ZBTB16: variants seen among roughly 807,000 people sequenced by gnomAD.
ZBTB16 encodes zinc finger and BTB domain-containing protein 16.
ZBTB16 carries 8 observed loss-of-function variants against 56.8 expected under a neutral mutation model. The ratio of observed to expected loss-of-function variants is 0.14; its 90% confidence interval spans 0.08 to 0.25. The LOEUF (loss-of-function observed/expected upper bound fraction) is 0.25, where lower values mean the gene tolerates loss of function less well. Ranked by LOEUF, ZBTB16 falls within the 10% of genes least tolerant of loss-of-function variation. The pLI is 1.00. For synonymous variants in ZBTB16, 363 were observed against 368.5 expected (o/e 0.98, Z 0.17); for missense variants, 625 against 903.0 (o/e 0.69, Z 3.95).
chr11:114,190,804 C>T (rs1178932824), intron 4 of ZBTB16, among the ~76,000 whole-genome samples: 1 of 151,940 alleles, frequency 6.6e-6, no homozygotes, highest in African/African-American at 2.4e-5. Context: ...AACAGAGTGA[C>T]GTGCCATGTA....
intron 2 of ZBTB16, among the ~76,000 whole-genome samples, chr11:114,077,116 T>C (rs1939597690): frequency 6.6e-6 from 1 of 152,166 alleles, no homozygotes; most frequent in African/African-American, 2.4e-5. Flanking sequence ...TGTGTTGAGA[T>C]GAAGGGTCTG....
chr11:114,187,156 C>T (rs1340288529), intron 4 of ZBTB16, 118 bp downstream of exon 4: 32 of 991,288 alleles, frequency 3.2e-5, no homozygotes, highest in Middle Eastern at 2.0e-4. Flanking sequence ...ATTTCCTGGG[C>T]GAGCTGTGAG....
chr11:114,064,335 A>T lies in ZBTB16; in HGVS notation c.1035A>T (p.Val345=), dbSNP rs770542786. ...SVLPNHKADA[V]LSMPSSVTSG... ...TGCCCAACCACAAGGCTGACGCTGT[A>T]TTGAGCATGCCGTCTTCCGTGACCT... The change falls in exon 2 of 7, where the codon GTA becomes GTT. Residue 345 remains valine, a synonymous_variant. Transcript: ENST00000335953. The surrounding 1 kb of genome is among the most constrained non-coding windows in gnomAD (Gnocchi z 4.2). 7 of 1,613,970 alleles carry T rather than the reference A, an allele frequency of 4.3e-6. No individual in the cohort carries two copies.
intron 2 of ZBTB16, among the ~76,000 whole-genome samples, chr11:114,099,347 A>G (rs371094962): frequency 3.3e-5 from 5 of 152,202 alleles, no homozygotes; most frequent in Middle Eastern, 3.2e-3. Flanking sequence ...ACACACATAT[A>G]TAAAATAAAT....
rs140489625 is a variant in ZBTB16, at chr11:114,130,019, G to A, written c.1269-26318G>A. 5.1e-3 allele frequency among the ~76,000 whole-genome samples: 770 copies of A among 152,372 alleles called. 2 individuals carry two copies. The highest frequency in any genetic ancestry group is 0.018 in the African/African-American group (745 of 41,588). ...ATTTCCTTGGACGAGCAAGGTGTGT[G>A]TGGAAATCAAGTGTCTCTTAATGAT... On this transcript the variant is annotated intron_variant, in intron 2 of 6. Coordinates refer to ENST00000335953, the MANE Select transcript of ZBTB16 (RefSeq NM_006006.6).
chr11:114,128,701 C>G (rs1388242278), intron 2 of ZBTB16, among the ~76,000 whole-genome samples: 1 of 152,108 alleles, frequency 6.6e-6, no homozygotes, highest in Non-Finnish European at 1.5e-5. Flanking sequence ...TTCAGGTCCT[C>G]AGAGACAAGT....
At chr11:114,157,785 G>A (rs528060583) in intron 3 of ZBTB16, among the ~76,000 whole-genome samples, 92 of 152,180 alleles carry the variant, frequency 6.0e-4, no homozygotes, top group African/African-American at 1.8e-3. Flanking sequence ...TCTTCCAGGC[G>A]CACGGATTTG....
intron 2 of ZBTB16, among the ~76,000 whole-genome samples, chr11:114,082,894 A>C (rs1939819318): frequency 6.6e-6 from 1 of 152,104 alleles, no homozygotes; most frequent in African/African-American, 2.4e-5. Flanking sequence ...CCTGATAGTG[A>C]ACAGCGACGC....
chr11:114,095,779 A>T (rs1301660868), intron 2 of ZBTB16, among the ~76,000 whole-genome samples: 1 of 152,178 alleles, frequency 6.6e-6, no homozygotes, highest in East Asian at 1.9e-4. Flanking sequence ...TGCCGTGTTG[A>T]CAAGGTCTCT....
intron 4 of ZBTB16, among the ~76,000 whole-genome samples, chr11:114,224,892 A>G (rs503834): frequency 0.69 from 105,313 of 152,054 alleles, 37,007 homozygotes; most frequent in East Asian, 0.8. Flanking sequence ...GAGTCGCTGG[A>G]TATCAAAGGC....
Position 114,090,605 on chromosome 11 carries a change from T to A in ZBTB16, c.1268+26037T>A, listed in dbSNP as rs1342209180. On this transcript the variant is annotated intron_variant, in intron 2 of 6. Transcript: ENST00000335953. ...AGGCAGGCAAGAGCTTCCAAATGTGTGGCTTTGATTCTCAGCCTTTTCATC... is the reference window on the plus strand; with the variant it reads ...AGGCAGGCAAGAGCTTCCAAATGTGAGGCTTTGATTCTCAGCCTTTTCATC... Among the ~76,000 whole-genome samples the A allele has an allele frequency of 2.0e-5, 3 of 152,228 alleles. No homozygotes were observed. The East Asian group carries it at 5.8e-4, about 29-fold the overall frequency.
chr11:114,059,981 CCACTCG>C lies in ZBTB16; in HGVS notation c.-91+100_-91+105del. On this transcript the variant is annotated intron_variant, in intron 1 of 6. Transcript: ENST00000335953. The surrounding 1 kb of genome is among the most constrained non-coding windows in gnomAD (Gnocchi z 5.3). ...TCTGGGGGGCGCGCGCTCGCTTCGG[CCACTCG>C]GCCGCTGGGCTTGTGCCTTTTTTAT... The C allele has an allele frequency of 2.5e-6, 1 of 393,414 alleles. No individual in the cohort carries two copies. The highest frequency in any genetic ancestry group is 4.5e-6 in the Non-Finnish European group (1 of 223,148). 24.4% of individuals were successfully genotyped at this position (393,414 alleles called of 1,614,324 possible).
chr11:114,181,134 C>T (rs1483485320), intron 3 of ZBTB16, among the ~76,000 whole-genome samples: 2 of 152,148 alleles, frequency 1.3e-5, no homozygotes, highest in East Asian at 3.8e-4. Context: ...ATAAATGGCC[C>T]CCAAATAACT....
intron 4 of ZBTB16, among the ~76,000 whole-genome samples, chr11:114,235,629 C>CCTTCCCTCCTTCCTTTCTTT (rs767837990): frequency 1.0e-5 from 1 of 97,794 alleles, no homozygotes; most frequent in African/African-American, 4.2e-5. Context: ...CCTCTCCCTT[C>CCTTCCCTCCTTCCTTTCTTT]CTTTCTTTCT....
At chr11:114,175,183 A>G in intron 3 of ZBTB16, among the ~76,000 whole-genome samples, 1 of 152,352 alleles carries the variant, frequency 6.6e-6, no homozygotes, top group Middle Eastern at 3.4e-3. Flanking sequence ...AAGATGATGC[A>G]CATGAAGGTG....
At chr11:114,129,663 A>G (rs777144503) in intron 2 of ZBTB16, among the ~76,000 whole-genome samples, 19 of 152,148 alleles carry the variant, frequency 1.2e-4, no homozygotes, top group Non-Finnish European at 1.9e-4. Flanking sequence ...ACCATTTTCC[A>G]TTTGCCATGG....
At chr11:114,224,339 C>CT (rs779938425) in intron 4 of ZBTB16, among the ~76,000 whole-genome samples, 1 of 152,184 alleles carries the variant, frequency 6.6e-6, no homozygotes, top group Non-Finnish European at 1.5e-5. Context: ...ATAATGCCCA[C>CT]TTTTCTTGCT....
At chr11:114,111,473 C>T (rs1419749629) in intron 2 of ZBTB16, among the ~76,000 whole-genome samples, 3 of 152,158 alleles carry the variant, frequency 2.0e-5, no homozygotes, top group Admixed American at 6.5e-5. Flanking sequence ...AACCACAAGA[C>T]GGTCCTTCCA....
At chr11:114,107,186 C>T (rs907880251) in intron 2 of ZBTB16, among the ~76,000 whole-genome samples, 2 of 152,126 alleles carry the variant, frequency 1.3e-5, no homozygotes, top group Admixed American at 6.6e-5. Flanking sequence ...GTGACTTGCG[C>T]AAGGTCACGC....
Sources: gnomAD v4.1 joint callset for allele counts (sites outside exome capture counted in the v4.1 genomes callset) on GRCh38, gnomAD v4.1.1 for gene constraint, Gnocchi (gnomAD v3.1) non-coding constraint, MANE v1.5 for transcripts, NCBI Gene and HGNC (gene_info 2026-07-23, HGNC 2026-07-21) for gene names.